Variants in CTNNA2 observed in about 807,000 individuals in gnomAD.
The protein encoded by CTNNA2 is catenin alpha 2, also known as catenin alpha-2.
A neutral mutation model predicts 101.0 loss-of-function variants in CTNNA2; 42 were observed. That is an observed-to-expected ratio of 0.42 (90% CI 0.32 to 0.54). CTNNA2 has a LOEUF of 0.54. Ranked by LOEUF, CTNNA2 falls within the 20% of genes least tolerant of loss-of-function variation. CTNNA2 has a pLI of 0.14. For synonymous variants in CTNNA2, 450 were observed against 456.4 expected (o/e 0.99, Z 0.18); for missense variants, 871 against 1,223.1 (o/e 0.71, Z 4.29).
chr2:80,419,000 G>A (rs1680278511), intron 8 of CTNNA2, among the ~76,000 whole-genome samples: 1 of 152,174 alleles, frequency 6.6e-6, no homozygotes. Flanking sequence ...AATGGATCTA[G>A]AATGGGCAGG....
chr2:79,713,113 A>C (rs907703442), intron 2 of CTNNA2, among the ~76,000 whole-genome samples: 1 of 152,236 alleles, frequency 6.6e-6, no homozygotes, highest in Non-Finnish European at 1.5e-5. Flanking sequence ...TTCTCTTTAT[A>C]AAGTGGACTT....
At chr2:79,981,577 C>T (rs1691272789) in intron 7 of CTNNA2, among the ~76,000 whole-genome samples, 1 of 152,122 alleles carries the variant, frequency 6.6e-6, no homozygotes, top group African/African-American at 2.4e-5. Flanking sequence ...CTAACTCTAA[C>T]ATGTATTCCA....
intron 2 of CTNNA2, among the ~76,000 whole-genome samples, chr2:79,294,874 CAT>C (rs1391923548): frequency 6.6e-6 from 1 of 152,026 alleles, no homozygotes; most frequent in Non-Finnish European, 1.5e-5. Context: ...TGCTGATTGA[CAT>C]ATTATCTACT....
At chr2:79,246,610 A>G (rs1383119998) in intron 2 of CTNNA2, among the ~76,000 whole-genome samples, 1 of 152,212 alleles carries the variant, frequency 6.6e-6, no homozygotes, top group Non-Finnish European at 1.5e-5. Flanking sequence ...CATAGGGAAG[A>G]CCCAATAAAC....
chr2:80,629,710 A>G (rs929203033), intron 18 of CTNNA2, among the ~76,000 whole-genome samples: 2 of 152,110 alleles, frequency 1.3e-5, no homozygotes, highest in African/African-American at 4.8e-5. Context: ...TGTTGTAGTT[A>G]TCCACTGTAG....
chr2:79,248,012 C>A (rs906222111), intron 2 of CTNNA2, among the ~76,000 whole-genome samples: 1 of 152,164 alleles, frequency 6.6e-6, no homozygotes, highest in African/African-American at 2.4e-5. Flanking sequence ...TTGTTTTAAG[C>A]CTCCAAATTT....
chr2:79,982,366 C>CAT (rs376540063), intron 7 of CTNNA2, among the ~76,000 whole-genome samples: 5 of 121,840 alleles, frequency 4.1e-5, no homozygotes, highest in Non-Finnish European at 7.0e-5. Flanking sequence ...ACCTATATAA[C>CAT]ATATATATAA....
At chr2:80,506,638 C>G (rs752364711) in intron 9 of CTNNA2, among the ~76,000 whole-genome samples, 1 of 152,112 alleles carries the variant, frequency 6.6e-6, no homozygotes, top group Admixed American at 6.5e-5. Context: ...TTATTAGAGT[C>G]TATCTTAAAT....
intron 7 of CTNNA2, among the ~76,000 whole-genome samples, chr2:80,041,979 T>G (rs1696093624): frequency 6.6e-6 from 1 of 152,182 alleles, no homozygotes. Flanking sequence ...TTGTTTTGTT[T>G]TTTGAAACAG....
At chr2:80,317,926 A>AAT (rs1465573434) in intron 7 of CTNNA2, among the ~76,000 whole-genome samples, 1 of 152,068 alleles carries the variant, frequency 6.6e-6, no homozygotes. Flanking sequence ...AGAACCTCTA[A>AAT]ATAAATGATG....
At chr2:80,614,038 G>A (rs957188458) in intron 17 of CTNNA2, among the ~76,000 whole-genome samples, 1 of 151,468 alleles carries the variant, frequency 6.6e-6, no homozygotes, top group Non-Finnish European at 1.5e-5. Flanking sequence ...GTTTTGAGAT[G>A]CTCTAATTAA....
At chr2:79,825,540 G>A (rs1456371799) in intron 3 of CTNNA2, among the ~76,000 whole-genome samples, 1 of 152,114 alleles carries the variant, frequency 6.6e-6, no homozygotes, top group African/African-American at 2.4e-5. Flanking sequence ...ATTACTAAAA[G>A]GGGGAAGACA....
intron 7 of CTNNA2, among the ~76,000 whole-genome samples, chr2:80,127,547 G>A (rs74424918): frequency 0.014 from 2,167 of 152,218 alleles, 48 homozygotes; most frequent in African/African-American, 0.049. Flanking sequence ...GTATGGACAC[G>A]CACAGTTATT....
intron 9 of CTNNA2, among the ~76,000 whole-genome samples, chr2:80,542,229 A>C (rs1354561203): frequency 1.4e-5 from 2 of 147,724 alleles, no homozygotes; most frequent in African/African-American, 5.1e-5. Flanking sequence ...AGTCTTATTT[A>C]CTTATTTATT....
Position 80,104,765 on chromosome 2 carries a change from G to C in CTNNA2, c.1056+194968G>C, listed in dbSNP as rs1700778608. Among the ~76,000 whole-genome samples the C allele has an allele frequency of 2.0e-5, 3 of 152,296 alleles. No individual in the cohort carries two copies. The South Asian group carries it at 6.2e-4, about 32-fold the overall frequency. ...AGTAATGCAACTTATTTGTCACTAA[G>C]GAGGACTGCATAGCCAAGTGATTTC... is the stretch of plus-strand genomic sequence containing the variant. On this transcript the variant is annotated intron_variant, in intron 7 of 18. Coordinates refer to ENST00000402739, the MANE Select transcript of CTNNA2 (RefSeq NM_001282597.3).
chr2:80,491,964 G>A (rs957586928), intron 9 of CTNNA2, among the ~76,000 whole-genome samples: 42 of 152,128 alleles, frequency 2.8e-4, no homozygotes, highest in African/African-American at 9.4e-4. Flanking sequence ...GAGGAGAGAG[G>A]TGGGCAAACA....
At chr2:79,956,628 A>G (rs978895556) in intron 7 of CTNNA2, among the ~76,000 whole-genome samples, 1 of 152,212 alleles carries the variant, frequency 6.6e-6, no homozygotes, top group African/African-American at 2.4e-5. Context: ...GAGAGAATTT[A>G]TCGAACCCAT....
At chr2:79,487,453 T>G (rs760688830) in intron 4 of CTNNA2, among the ~76,000 whole-genome samples, 1 of 152,242 alleles carries the variant, frequency 6.6e-6, no homozygotes, top group Non-Finnish European at 1.5e-5. Context: ...CTGGGACTCT[T>G]GAGCCTTGCT....
At chr2:79,928,468 T>A (rs1049259521) in intron 7 of CTNNA2, among the ~76,000 whole-genome samples, 9 of 152,248 alleles carry the variant, frequency 5.9e-5, no homozygotes, top group African/African-American at 2.2e-4. Flanking sequence ...ATTCATTATT[T>A]CTGATTTGAA....
Sources: allele counts gnomAD v4.1 joint callset (sites outside exome capture counted in the v4.1 genomes callset), GRCh38; gene constraint gnomAD v4.1.1; transcripts MANE v1.5; gene names NCBI Gene and HGNC (gene_info 2026-07-23, HGNC 2026-07-21).